CCDC91: variants seen among roughly 807,000 people sequenced by gnomAD.
CCDC91 encodes coiled-coil domain containing 91.
A neutral mutation model predicts 63.2 loss-of-function variants in CCDC91; 48 were observed. The ratio of observed to expected loss-of-function variants is 0.76; its 90% confidence interval spans 0.60 to 0.97. The LOEUF is 0.97. Ranked by LOEUF, CCDC91 falls within the 50% of genes least tolerant of loss-of-function variation. CCDC91 has a pLI of 0.00. For synonymous variants in CCDC91, 167 were observed against 165.8 expected, an observed-to-expected ratio of 1.01 and a Z score of -0.06; for missense variants, 500 against 494.6, an observed-to-expected ratio of 1.01 and a Z score of -0.10.
intron 1 of CCDC91, among the ~76,000 whole-genome samples, chr12:28,207,993 A>G (rs2135476286): frequency 6.6e-6 from 1 of 152,304 alleles, no homozygotes; most frequent in Middle Eastern, 3.4e-3. Flanking sequence ...AAATCTGGCA[A>G]AGTATTTCCT....
chr12:28,459,582 T>C (rs1950210009), intron 11 of CCDC91, among the ~76,000 whole-genome samples: 1 of 152,088 alleles, frequency 6.6e-6, no homozygotes, highest in South Asian at 2.1e-4. Flanking sequence ...CACTGTCAGT[T>C]GGATGCCAAA....
At chr12:28,379,296 C>A (rs576156702) in intron 7 of CCDC91, among the ~76,000 whole-genome samples, 2 of 151,898 alleles carry the variant, frequency 1.3e-5, no homozygotes, top group Admixed American at 1.3e-4. Context: ...CCAAAATTGA[C>A]AAATGGGATC....
At chr12:28,494,163 G>A (rs925155105) in intron 12 of CCDC91, among the ~76,000 whole-genome samples, 2 of 151,538 alleles carry the variant, frequency 1.3e-5, no homozygotes, top group African/African-American at 4.8e-5. Context: ...CTTTTCACAG[G>A]CTCCACATAG....
chr12:28,225,393 A>G (rs1592036367), intron 1 of CCDC91, among the ~76,000 whole-genome samples: 1 of 152,156 alleles, frequency 6.6e-6, no homozygotes, highest in Non-Finnish European at 1.5e-5. Flanking sequence ...ACATGCAAAT[A>G]AGAACCTCCT....
Position 28,205,363 on chromosome 12 carries a change from T to C in CCDC91, c.-15+14722T>C, listed in dbSNP as rs569041855. On this transcript the variant is annotated intron_variant, in intron 1 of 12. Transcript: ENST00000536442. ...TATTAAGTACAGAGGTAAAAAAAAA[T>C]GACAGGTTATTCATACTAAAGTCAG... 2.0e-5 allele frequency among the ~76,000 whole-genome samples: 3 copies of C among 151,784 alleles called. No homozygotes were observed. In the East Asian group the frequency reaches 5.8e-4, roughly 29 times the overall value.
At chr12:28,363,694 G>A (rs915983463) in intron 7 of CCDC91, among the ~76,000 whole-genome samples, 1 of 151,678 alleles carries the variant, frequency 6.6e-6, no homozygotes, top group Non-Finnish European at 1.5e-5. Context: ...TGGCTAACAC[G>A]GTGAAACCCC....
rs147113157 is a variant in CCDC91 at position 28,306,180 on chromosome 12, A to C, written c.267+374A>C. ...TTTCAGGTATTCAAGCAACTATTTC[A>C]ATTTTAGAGTAAAAACCAAAAATAT... On this transcript the variant is annotated intron_variant, in intron 4 of 12. Coordinates refer to ENST00000536442, the MANE Select transcript of CCDC91 (RefSeq NM_018318.5). 2.5e-4 allele frequency among the ~76,000 whole-genome samples: 38 copies of C among 152,222 alleles called. No homozygotes were observed. The East Asian group carries it at 5.6e-3, about 22-fold the overall frequency.
intron 3 of CCDC91, among the ~76,000 whole-genome samples, chr12:28,304,392 AAAAAAAAAAG>A (rs1467865928): frequency 2.9e-4 from 37 of 128,640 alleles, no homozygotes; most frequent in South Asian, 7.9e-4. Context: ...AAAAAAAAAA[AAAAAAAAAAG>A]AAAAAAAAAA....
chr12:28,274,722 C>A (rs1948069744), intron 3 of CCDC91, among the ~76,000 whole-genome samples: 2 of 152,118 alleles, frequency 1.3e-5, no homozygotes, highest in African/African-American at 4.8e-5. Context: ...GGTTGCCTAT[C>A]AGCTTAAGGA....
At chr12:28,270,426 C>T (rs1049845402) in intron 3 of CCDC91, among the ~76,000 whole-genome samples, 1 of 152,092 alleles carries the variant, frequency 6.6e-6, no homozygotes, top group African/African-American at 2.4e-5. Context: ...TTGGAGGAAA[C>T]TTTAATTCAA....
At position 28,277,015 on chromosome 12, in the gene CCDC91, A is replaced by G. The variant is rs1364644394; in HGVS notation, c.109+17573A>G. ...TCAGAGATATGGTATCAGTTTTCCTAAAGGCTAATTGAAGCCATATTTCAT... is the reference window on the plus strand; with the variant it reads ...TCAGAGATATGGTATCAGTTTTCCTGAAGGCTAATTGAAGCCATATTTCAT... On this transcript the variant is annotated intron_variant, in intron 3 of 12. Coordinates refer to ENST00000536442, the MANE Select transcript of CCDC91 (RefSeq NM_018318.5). 2.0e-5 allele frequency among the ~76,000 whole-genome samples: 3 copies of G among 152,100 alleles called. 1 individual carries two copies. Among genetic ancestry groups the G allele is most frequent in the Middle Eastern group, 6.8e-3 (2 of 294 alleles).
At chr12:28,420,523 C>T (rs1947939652) in intron 8 of CCDC91, among the ~76,000 whole-genome samples, 1 of 152,144 alleles carries the variant, frequency 6.6e-6, no homozygotes, top group South Asian at 2.1e-4. Flanking sequence ...TGATTGACAG[C>T]ACATAAGACA....
intron 12 of CCDC91, among the ~76,000 whole-genome samples, chr12:28,503,949 G>C (rs149677202): frequency 5.9e-5 from 9 of 151,898 alleles, no homozygotes; most frequent in South Asian, 2.1e-4. Flanking sequence ...GTGGGGGAAG[G>C]GGGGAGGGAT....
At chr12:28,506,191 T>A (rs1189920894) in intron 12 of CCDC91, among the ~76,000 whole-genome samples, 1 of 151,946 alleles carries the variant, frequency 6.6e-6, no homozygotes, top group African/African-American at 2.4e-5. Context: ...GGGAATTTGT[T>A]GAAAGGTTAT....
At chr12:28,446,500 T>C (rs1474304655) in intron 8 of CCDC91, among the ~76,000 whole-genome samples, 1 of 152,154 alleles carries the variant, frequency 6.6e-6, no homozygotes, top group East Asian at 1.9e-4. Flanking sequence ...ACTATATTTA[T>C]ATAGTTTTTT....
chr12:28,532,635 G>C (rs758722969), intron 12 of CCDC91, among the ~76,000 whole-genome samples: 1 of 151,940 alleles, frequency 6.6e-6, no homozygotes, highest in Non-Finnish European at 1.5e-5. Flanking sequence ...GTATACATAG[G>C]TTATATCAGA....
chr12:28,324,956 C>A (rs141400968), intron 6 of CCDC91, among the ~76,000 whole-genome samples: 3 of 151,550 alleles, frequency 2.0e-5, no homozygotes, highest in Non-Finnish European at 4.4e-5. Context: ...ATTTTATGAA[C>A]GAATGTCACT....
At chr12:28,528,689 A>G (rs1450229323) in intron 12 of CCDC91, among the ~76,000 whole-genome samples, 2 of 152,156 alleles carry the variant, frequency 1.3e-5, no homozygotes, top group Non-Finnish European at 2.9e-5. Flanking sequence ...GTTTTTGAGC[A>G]GGAGTGGCTG....
chr12:28,332,186 C>T (rs189368634), intron 6 of CCDC91, among the ~76,000 whole-genome samples: 1 of 152,136 alleles, frequency 6.6e-6, no homozygotes, highest in Admixed American at 6.5e-5. Context: ...AACATACTGA[C>T]ATAGGAACAG....
Sources: allele counts gnomAD v4.1 joint callset (sites outside exome capture counted in the v4.1 genomes callset), GRCh38; gene constraint gnomAD v4.1.1; transcripts MANE v1.5; gene names NCBI Gene and HGNC (gene_info 2026-07-23, HGNC 2026-07-21).